Variants in ADGRG7 observed in about 807,000 individuals in gnomAD.
ADGRG7 encodes the protein adhesion G protein-coupled receptor G7, also known as G-protein coupled receptor 128.
Under a neutral mutation model 88.6 loss-of-function variants are expected in ADGRG7, and 82 were observed. The ratio of observed to expected loss-of-function variants is 0.93; its 90% CI spans 0.77 to 1.11. The LOEUF is 1.11. Ranked by LOEUF, ADGRG7 falls within the 50% of genes most tolerant of loss-of-function variation. ADGRG7 has a pLI of 0.00. For synonymous variants in ADGRG7, 381 were observed against 345.2 expected, an observed-to-expected ratio of 1.10 and a Z score of -1.15; for missense variants, 945 against 953.4, an observed-to-expected ratio of 0.99 and a Z score of 0.12.
intron 14 of ADGRG7, chr3:100,665,159 C>A (rs1159010086): frequency 9.3e-6 from 5 of 538,376 alleles, no homozygotes; most frequent in Non-Finnish European, 1.9e-5. Context: ...CTTATTCTTA[C>A]TGCCAGCATA....
intron 15 of ADGRG7, among the ~76,000 whole-genome samples, chr3:100,688,299 C>G (rs1329003335): frequency 6.6e-6 from 1 of 151,994 alleles, no homozygotes; most frequent in Non-Finnish European, 1.5e-5. Context: ...AGTGGTCTAT[C>G]AATTTTGTTG....
At chr3:100,684,406 G>A (rs1218787995) in intron 15 of ADGRG7, among the ~76,000 whole-genome samples, 1 of 151,884 alleles carries the variant, frequency 6.6e-6, no homozygotes, top group Non-Finnish European at 1.5e-5. Context: ...TGGGACTACA[G>A]GCACGTGGCA....
At chr3:100,637,197 A>T in intron 5 of ADGRG7, 105 bp from the exon 6 acceptor site, 1 of 756,790 alleles carries the variant, frequency 1.3e-6, no homozygotes, top group Non-Finnish European at 2.3e-6. Flanking sequence ...CTACATTATC[A>T]TATCAGTGAT....
Position 100,630,733 on chromosome 3 carries a change from G to T in ADGRG7, c.258G>T (p.Met86Ile). Residue 86 changes from methionine to isoleucine, a missense_variant, in exon 3 of 16, where the codon ATG (methionine) becomes ATT (isoleucine). Transcript: ENST00000273352. The part of the protein sequence containing the change: ...IANFCENSTY[M>I]GFTFARIPVG... ...ATTTTTGTGAAAATAGTACCTATAT[G>T]GGTTTTACTTTTGCCAGAATCCCAG... The T allele has an allele frequency of 6.9e-7, 1 of 1,457,518 alleles. No individual in the cohort carries two copies. Among genetic ancestry groups the T allele is most frequent in the Non-Finnish European group, 9.1e-7 (1 of 1,101,608 alleles). 90.3% of individuals were successfully genotyped at this position (1,457,518 alleles called of 1,614,324 possible). A position where few individuals can be genotyped will look rare whatever the true frequency, so the allele number is the denominator to read the frequency against.
At chr3:100,674,627 G>A (rs1576335781) in intron 15 of ADGRG7, among the ~76,000 whole-genome samples, 1 of 150,372 alleles carries the variant, frequency 6.7e-6, no homozygotes, top group South Asian at 2.1e-4. Context: ...ACCCAGGCTG[G>A]AGTGCAGTGG....
At chr3:100,649,964 T>C (rs1368788865) in intron 11 of ADGRG7, among the ~76,000 whole-genome samples, 157 bp downstream of exon 11, 1 of 152,196 alleles carries the variant, frequency 6.6e-6, no homozygotes, top group East Asian at 1.9e-4. Context: ...GGCTAAGAAA[T>C]ACACACAAAT....
At chr3:100,645,428 C>T (rs574798020) in intron 8 of ADGRG7, among the ~76,000 whole-genome samples, 3 of 151,864 alleles carry the variant, frequency 2.0e-5, no homozygotes, top group Non-Finnish European at 2.9e-5. Context: ...CTCAAAAACT[C>T]CACAGAAGTG....
At chr3:100,619,265 G>A (rs1305235659) in intron 1 of ADGRG7, among the ~76,000 whole-genome samples, 11 of 152,090 alleles carry the variant, frequency 7.2e-5, no homozygotes, top group South Asian at 2.1e-4. Context: ...ACTCAAAACC[G>A]CTCAACTACA....
chr3:100,610,477 A>G (rs1707131209), intron 1 of ADGRG7, among the ~76,000 whole-genome samples: 1 of 152,220 alleles, frequency 6.6e-6, no homozygotes, highest in Non-Finnish European at 1.5e-5. Context: ...CAAATTTCCC[A>G]CTTTCCAGAT....
At chr3:100,645,691 A>G (rs1416279644) in intron 8 of ADGRG7, among the ~76,000 whole-genome samples, 1 of 152,146 alleles carries the variant, frequency 6.6e-6, no homozygotes, top group East Asian at 1.9e-4. Flanking sequence ...ACTAGGCAGA[A>G]ATTCTCGTTC....
chr3:100,674,017 G>C (rs1037899813), intron 15 of ADGRG7, among the ~76,000 whole-genome samples: 1 of 152,062 alleles, frequency 6.6e-6, no homozygotes, highest in Admixed American at 6.6e-5. Context: ...TCTCTTGTGG[G>C]CATTTAGTGC....
chr3:100,633,079 A>G (rs897093602), intron 3 of ADGRG7, among the ~76,000 whole-genome samples, 186 bp from the exon 4 acceptor site: 1 of 152,214 alleles, frequency 6.6e-6, no homozygotes, highest in Non-Finnish European at 1.5e-5. Context: ...AAGGAAGGAA[A>G]TAGTCAACTG....
chr3:100,610,799 A>T (rs1707136278), intron 1 of ADGRG7, among the ~76,000 whole-genome samples: 1 of 152,208 alleles, frequency 6.6e-6, no homozygotes, highest in Non-Finnish European at 1.5e-5. Context: ...AATAAGGGTA[A>T]ATAATGCCGA....
chr3:100,677,244 T>A (rs1302224871), intron 15 of ADGRG7, among the ~76,000 whole-genome samples: 1 of 152,162 alleles, frequency 6.6e-6, no homozygotes, highest in East Asian at 1.9e-4. Flanking sequence ...ATCTATTGTA[T>A]GTTTTTTGAT....
chr3:100,646,227 G>GA, intron 9 of ADGRG7, 119 bp downstream of exon 9: 1 of 320,466 alleles, frequency 3.1e-6, no homozygotes. Flanking sequence ...CGGGGGGGAG[G>GA]GTTTTCCATG....
In ADGRG7 at chr3:100,609,881, C is replaced by T. The variant is rs138817497; in HGVS notation, c.25C>T (p.Leu9Phe). 8 of 1,613,916 alleles carry T rather than the reference C, an allele frequency of 5.0e-6. No individual in the cohort carries two copies. The highest frequency in any genetic ancestry group is 5.9e-6 in the Non-Finnish European group (7 of 1,179,888). ...CATGGCTTCCTGCCGTGCCTGGAAC[C>T]TTAGGGTGCTGGTGGCTGTCGTGTG... Reference protein sequence around the residue: MASCRAWNLRVLVAVVCGL... With the variant: MASCRAWNFRVLVAVVCGL... Residue 9 changes from leucine to phenylalanine, a missense_variant, in exon 1 of 16, where the codon CTT becomes TTT. Leu to Phe is a conservative substitution (Grantham distance 22). Transcript: ENST00000273352.
Position 100,649,758 on chromosome 3 carries a change from C to T in ADGRG7, c.1330C>T (p.Leu444=). 3.1e-6 allele frequency: 5 copies of T among 1,611,088 alleles called. No homozygotes were observed. Among genetic ancestry groups the T allele is most frequent in the Non-Finnish European group, 4.2e-6 (5 of 1,177,676 alleles). ...CATATTATCCAACGTTGGATGTGCA[C>T]TGTCTGTTACTGGTCTGGCTCTCAC... The part of the protein sequence containing the change: ...LDILSNVGCA[L]SVTGLALTVI... Residue 444 remains leucine, a synonymous_variant, in exon 11 of 16, where the codon CTG becomes TTG. Transcript: ENST00000273352.
At position 100,672,640 on chromosome 3, in the gene ADGRG7, T is replaced by C. The variant is rs565937201; in HGVS notation, c.2136+3535T>C. Reference sequence around the variant, plus strand: ...GGGCATCCTTGTCTTGTGCCAGTTTTCAAAGGGAATGCTTCCAGTTTTTGC... The same window carrying C: ...GGGCATCCTTGTCTTGTGCCAGTTTCCAAAGGGAATGCTTCCAGTTTTTGC... On this transcript the variant is annotated intron_variant, in intron 15 of 15. Coordinates refer to ENST00000273352, the MANE Select transcript of ADGRG7 (RefSeq NM_032787.3). Among the ~76,000 whole-genome samples, 75 of 152,342 alleles carry C rather than the reference T, an allele frequency of 4.9e-4. 1 individual carries two copies. The highest frequency in any genetic ancestry group is 1.7e-3 in the African/African-American group (72 of 41,572).
At position 100,691,945 on chromosome 3, in the gene ADGRG7, C is replaced by T. The variant is rs143562862; in HGVS notation, c.2137-2799C>T. ...TTTCACAGTAGATAACATCTTTGTT[C>T]AATATCAGGATGAGCTATTCTGTAT... On this transcript the variant is annotated intron_variant, in intron 15 of 15. Coordinates refer to ENST00000273352, the MANE Select transcript of ADGRG7 (RefSeq NM_032787.3). Among the ~76,000 whole-genome samples, 16 of 152,222 alleles carry T rather than the reference C, an allele frequency of 1.1e-4. 1 individual carries two copies. The highest frequency in any genetic ancestry group is 3.6e-4 in the African/African-American group (15 of 41,552).
Sources: gnomAD v4.1 joint callset for allele counts (sites outside exome capture counted in the v4.1 genomes callset) on GRCh38, gnomAD v4.1.1 for gene constraint, MANE v1.5 for transcripts, NCBI Gene and HGNC (gene_info 2026-07-23, HGNC 2026-07-21) for gene names.